The following DPP10 variants were observed in gnomAD, a reference collection of about 807,000 sequenced individuals.
The protein encoded by DPP10 is inactive dipeptidyl peptidase 10.
A neutral mutation model predicts 120.9 loss-of-function variants in DPP10; 33 were observed. That is an observed-to-expected ratio of 0.27 (90% CI 0.21 to 0.37). DPP10 has a LOEUF of 0.37. DPP10 is among the 10% of genes least tolerant of loss of function. The pLI, the probability that DPP10 is intolerant of heterozygous loss-of-function variation, is 1.00. For missense variants in DPP10, 816 were observed against 942.8 expected (o/e 0.87, Z 1.76); for synonymous variants, 337 against 326.1 (o/e 1.03, Z -0.36).
At position 115,130,500 on chromosome 2, in the gene DPP10, C is replaced by CCA. The variant is rs1484293361; in HGVS notation, c.61-178739_61-178738insCA. On this transcript the variant is annotated intron_variant, in intron 1 of 25. Coordinates refer to ENST00000410059, the MANE Select transcript of DPP10 (RefSeq NM_020868.6). The stretch of plus-strand genomic sequence containing the variant: ...TCCATCCATGCATCCATCCATCCAT[C>CCA]TATCCATCCATCCATCCATCCATCC... 1.2e-3 allele frequency among the ~76,000 whole-genome samples: 139 copies of CCA among 115,708 alleles called. 4 individuals carry two copies. The highest frequency in any genetic ancestry group is 4.3e-3 in the African/African-American group (120 of 27,946). The allele number at this position is 115,708 out of a possible 152,430, so 75.9% of individuals were successfully genotyped here. A position where few individuals can be genotyped will look rare whatever the true frequency, so the allele number is the denominator to read the frequency against.
At chr2:114,595,221 C>T (rs1158715640) in intron 1 of DPP10, among the ~76,000 whole-genome samples, 1 of 152,030 alleles carries the variant, frequency 6.6e-6, no homozygotes, top group East Asian at 1.9e-4. Context: ...TACACACAGA[C>T]CACATATTGA....
At chr2:115,791,463 A>G in intron 19 of DPP10, 107 bp downstream of exon 19, 1 of 958,308 alleles carries the variant, frequency 1.0e-6, no homozygotes, top group Non-Finnish European at 1.5e-6. Context: ...CTATGTGTGT[A>G]GTTAATCAGG....
intron 1 of DPP10, among the ~76,000 whole-genome samples, chr2:114,530,271 C>G (rs1346669223): frequency 6.6e-6 from 1 of 152,064 alleles, no homozygotes; most frequent in African/African-American, 2.4e-5. Flanking sequence ...TTATCTGTAA[C>G]AATTTGCACA....
intron 5 of DPP10, among the ~76,000 whole-genome samples, chr2:115,627,941 A>T (rs1003180840): frequency 2.6e-5 from 4 of 152,116 alleles, no homozygotes; most frequent in Non-Finnish European, 5.9e-5. Flanking sequence ...GGTTGATTTC[A>T]TATCTTTGCT....
chr2:115,568,191 A>G (rs951829277), intron 5 of DPP10, among the ~76,000 whole-genome samples: 4 of 148,280 alleles, frequency 2.7e-5, no homozygotes, highest in African/African-American at 5.0e-5. Flanking sequence ...AAAAAAGAAA[A>G]AAAAAAAAAA....
chr2:115,740,182 A>G (rs1677080404), intron 9 of DPP10, among the ~76,000 whole-genome samples: 1 of 151,880 alleles, frequency 6.6e-6, no homozygotes, highest in Admixed American at 6.6e-5. Context: ...GAGAGAAGCA[A>G]TTGGGGGTGT....
chr2:115,356,246 A>G (rs1050627198), intron 3 of DPP10, among the ~76,000 whole-genome samples: 2 of 152,038 alleles, frequency 1.3e-5, no homozygotes, highest in East Asian at 1.9e-4. Context: ...AGTGGTTTGT[A>G]CTTCCCCTTG....
chr2:114,775,199 C>T (rs1681619527), intron 1 of DPP10, among the ~76,000 whole-genome samples: 1 of 152,142 alleles, frequency 6.6e-6, no homozygotes. Flanking sequence ...GTAGTCACTA[C>T]TGTTAACCCA....
intron 3 of DPP10, among the ~76,000 whole-genome samples, chr2:115,400,371 A>C (rs2067981392): frequency 6.6e-6 from 1 of 152,136 alleles, no homozygotes; most frequent in African/African-American, 2.4e-5. Flanking sequence ...TAAAAAATGA[A>C]TTTATAATGG....
At chr2:115,208,857 G>A (rs145416159) in intron 1 of DPP10, among the ~76,000 whole-genome samples, 1 of 152,130 alleles carries the variant, frequency 6.6e-6, no homozygotes, top group African/African-American at 2.4e-5. Flanking sequence ...TGTACATTTA[G>A]GAGCAAATGT....
intron 1 of DPP10, among the ~76,000 whole-genome samples, chr2:114,643,957 CAG>C (rs1695916925): frequency 7.6e-6 from 1 of 131,138 alleles, no homozygotes; most frequent in Admixed American, 7.9e-5. Context: ...TTTTTTGAGA[CAG>C]AGTCTTGCGT....
chr2:115,684,558 C>A (rs114733018), intron 5 of DPP10, among the ~76,000 whole-genome samples: 1,664 of 151,892 alleles, frequency 0.011, 36 homozygotes, highest in African/African-American at 0.039. Context: ...CATGGCAAAT[C>A]CATAATCCTA....
intron 3 of DPP10, among the ~76,000 whole-genome samples, chr2:115,417,569 G>A (rs1224115676): frequency 6.6e-6 from 1 of 152,112 alleles, no homozygotes; most frequent in Non-Finnish European, 1.5e-5. Context: ...ACAGTGCTAT[G>A]ATGTAGGTAT....
intron 5 of DPP10, among the ~76,000 whole-genome samples, chr2:115,569,577 C>G (rs2149084091): frequency 6.6e-6 from 1 of 152,220 alleles, no homozygotes; most frequent in Admixed American, 6.5e-5. Context: ...TCTACGCAAT[C>G]AAGGGATATT....
chr2:115,065,265 T>C (rs17043967), intron 1 of DPP10, among the ~76,000 whole-genome samples: 24,959 of 152,152 alleles, frequency 0.16, 2,307 homozygotes, highest in African/African-American at 0.27. Flanking sequence ...TTTTAATTAC[T>C]TTTTTCAACT....
At chr2:115,374,043 T>C (rs1446581420) in intron 3 of DPP10, among the ~76,000 whole-genome samples, 2 of 151,976 alleles carry the variant, frequency 1.3e-5, no homozygotes, top group Non-Finnish European at 1.5e-5. Context: ...CACATGGAGA[T>C]TACAATTCAA....
chr2:115,138,338 C>T (rs955570474), intron 1 of DPP10, among the ~76,000 whole-genome samples: 2 of 152,202 alleles, frequency 1.3e-5, no homozygotes, highest in African/African-American at 4.8e-5. Context: ...TTTGTCTCTT[C>T]CCTAGAGCAG....
intron 1 of DPP10, among the ~76,000 whole-genome samples, chr2:114,562,697 ACT>A (rs777170534): frequency 3.3e-5 from 5 of 152,152 alleles, no homozygotes; most frequent in East Asian, 1.9e-4. Flanking sequence ...TCATATTGAA[ACT>A]CTCTGTCAAA....
chr2:114,855,496 T>G (rs1352621519), intron 1 of DPP10, among the ~76,000 whole-genome samples: 1 of 152,202 alleles, frequency 6.6e-6, no homozygotes, highest in Admixed American at 6.5e-5. Flanking sequence ...TTTTTAAGAC[T>G]TCAAAATTTC....
Sources: gnomAD v4.1 joint callset for allele counts (sites outside exome capture counted in the v4.1 genomes callset) on GRCh38, gnomAD v4.1.1 for gene constraint, MANE v1.5 for transcripts, NCBI Gene and HGNC (gene_info 2026-07-23, HGNC 2026-07-21) for gene names.